The following TENT4A variants were observed in gnomAD, a reference collection of about 807,000 sequenced individuals.
The protein encoded by TENT4A is DNA polymerase kappa.
TENT4A carries 7 observed loss-of-function variants against 72.8 expected under a neutral mutation model. The ratio of observed to expected loss-of-function variants is 0.10; its 90% CI spans 0.05 to 0.18. The LOEUF is 0.18. Among genes scored for constraint, TENT4A ranks in the 10% least tolerant of loss-of-function variants. The pLI is 1.00. For synonymous variants in TENT4A, 456 were observed against 434.3 expected, an observed-to-expected ratio of 1.05 and a Z score of -0.62; for missense variants, 831 against 1,017.7, an observed-to-expected ratio of 0.82 and a Z score of 2.50.
intron 1 of TENT4A, among the ~76,000 whole-genome samples, chr5:6,729,394 A>G (rs1328361671): frequency 6.6e-6 from 1 of 152,260 alleles, no homozygotes; most frequent in East Asian, 1.9e-4. Context: ...TGTTGCCCCA[A>G]AAGATGATGC....
Position 6,737,627 on chromosome 5 carries a change from G to T in TENT4A, c.834G>T (p.Thr278=), listed in dbSNP as rs145475863. The change falls in exon 2 of 13, where the codon ACG becomes ACT. Residue 278 remains threonine (T), a synonymous_variant. Transcript: ENST00000230859. ...IETVVKDLWP[T]ADVQIFGSFS... is the part of the protein sequence containing the mutation. ...CTGTGGTGAAAGACCTTTGGCCGAC[G>T]GCTGATGTGAGTATGTTCTTTGGAG... 46 of 1,613,822 alleles carry T rather than the reference G, an allele frequency of 2.9e-5. No homozygotes were observed. In the South Asian group the frequency reaches 4.4e-4, roughly 15 times the overall value.
chr5:6,750,682 C>T (rs556362983), intron 10 of TENT4A, 179 bp downstream of exon 10: 20 of 589,402 alleles, frequency 3.4e-5, no homozygotes, highest in African/African-American at 2.9e-4. Flanking sequence ...TTTCCCCTGC[C>T]GTGAACCTTC....
chr5:6,749,632 C>A lies in TENT4A; in HGVS notation c.1662C>A (p.Ser554Arg), dbSNP rs1371118359. 1.2e-6 allele frequency: 2 copies of A among 1,612,762 alleles called. No homozygotes were observed. Among genetic ancestry groups the A allele is most frequent in the South Asian group, 2.2e-5 (2 of 91,048 alleles). The stretch of plus-strand genomic sequence containing the variant: ...GGTGGATCAAAGAGAAGTGGGGCAG[C>A]AAAGCCCACCCGTCGCCAGGCATGG... The part of the protein sequence containing the change: ...YRRWIKEKWG[S>R]KAHPSPGMDS... Residue 554 changes from serine (S) to arginine (R), a missense_variant, in exon 9 of 13, where the codon AGC (serine) becomes AGA (arginine). Around this residue, in one of 3 missense-constraint regions of TENT4A, gnomAD observed 332 missense variants for 324.3 expected, o/e 1.02. Coordinates refer to ENST00000230859, the MANE Select transcript of TENT4A (RefSeq NM_006999.6).
At chr5:6,714,907 A>G (rs1740286722) in intron 1 of TENT4A, 2 of 273,050 alleles carry the variant, frequency 7.3e-6, no homozygotes, top group South Asian at 1.7e-4. Flanking sequence ...TACAAGTAAC[A>G]GTCCAAGAAA....
intron 4 of TENT4A, among the ~76,000 whole-genome samples, chr5:6,740,525 T>C (rs1741744308): frequency 6.6e-6 from 1 of 152,216 alleles, no homozygotes; most frequent in Non-Finnish European, 1.5e-5. Flanking sequence ...TTATAGTGTT[T>C]AGCAGAATGT....
At chr5:6,741,351 T>A (rs1256059108) in intron 4 of TENT4A, among the ~76,000 whole-genome samples, 1 of 152,170 alleles carries the variant, frequency 6.6e-6, no homozygotes, top group Non-Finnish European at 1.5e-5. Flanking sequence ...AACCCAAAAC[T>A]GTGTTACAGT....
rs551351165 is a variant in TENT4A at position 6,721,102 on chromosome 5, C to T, written c.716+6403C>T. On this transcript the variant is annotated intron_variant, in intron 1 of 12. Coordinates refer to ENST00000230859, the MANE Select transcript of TENT4A (RefSeq NM_006999.6). Reference sequence around the variant, plus strand: ...AGTTGCTGCTATTACTAAGTTGATCCCACTGCCCTCCTGAGTCTCCTCAGG... The same window carrying T: ...AGTTGCTGCTATTACTAAGTTGATCTCACTGCCCTCCTGAGTCTCCTCAGG... Among the ~76,000 whole-genome samples the T allele has an allele frequency of 5.9e-5, 9 of 152,228 alleles. No homozygotes were observed. The East Asian group carries it at 1.7e-3, about 29-fold the overall frequency.
At chr5:6,732,247 A>G (rs2126622178) in intron 1 of TENT4A, among the ~76,000 whole-genome samples, 1 of 152,362 alleles carries the variant, frequency 6.6e-6, no homozygotes, top group East Asian at 1.9e-4. Flanking sequence ...AAAACCAGCC[A>G]GTCCTCCCTG....
At chr5:6,714,967 A>T in intron 1 of TENT4A, 1 of 209,498 alleles carries the variant, frequency 4.8e-6, no homozygotes, top group Non-Finnish European at 9.4e-6. Flanking sequence ...TACTCTTGAG[A>T]TTGGAACGGG....
chr5:6,736,827 A>G (rs1741530380), intron 1 of TENT4A, among the ~76,000 whole-genome samples: 1 of 152,246 alleles, frequency 6.6e-6, no homozygotes, highest in African/African-American at 2.4e-5. Context: ...CCTGTCCCAC[A>G]GGCATTTGGG....
rs1438083666 is a variant in TENT4A at position 6,754,707 on chromosome 5, G to A, written c.2185-44G>A. 2.0e-6 allele frequency: 3 copies of A among 1,486,506 alleles called. No individual in the cohort carries two copies. In the Admixed American group the frequency reaches 5.8e-5, roughly 29 times the overall value. 92.1% of individuals were successfully genotyped at this position (1,486,506 alleles called of 1,614,324 possible). ...CACTGCCCGAGGACGTGGGCATTGT[G>A]CCTGCTGTCTGGCTCCAACACTGCT... is the stretch of plus-strand genomic sequence containing the variant. On this transcript the variant is annotated intron_variant, in intron 12 of 12. Transcript: ENST00000230859.
chr5:6,735,386 C>T (rs1741428269), intron 1 of TENT4A, among the ~76,000 whole-genome samples: 1 of 152,192 alleles, frequency 6.6e-6, no homozygotes, highest in African/African-American at 2.4e-5. Context: ...CTGTCCCTAG[C>T]TCTCTGCAGT....
In TENT4A at chr5:6,721,752, A is replaced by G. The variant is rs530323889; in HGVS notation, c.716+7053A>G. ...GCTCTGAGGGTCCCTGTTGGCAGAGAATGTCTTTGATTATCAACAACATGC... is the reference window on the plus strand; with the variant it reads ...GCTCTGAGGGTCCCTGTTGGCAGAGGATGTCTTTGATTATCAACAACATGC... On this transcript the variant is annotated intron_variant, in intron 1 of 12. Coordinates refer to ENST00000230859, the MANE Select transcript of TENT4A (RefSeq NM_006999.6). Among the ~76,000 whole-genome samples the G allele has an allele frequency of 1.3e-4, 20 of 152,260 alleles. No individual in the cohort carries two copies. The East Asian group carries it at 3.9e-3, about 29-fold the overall frequency.
intron 1 of TENT4A, among the ~76,000 whole-genome samples, chr5:6,725,219 G>T (rs952861660): frequency 6.6e-6 from 1 of 152,180 alleles, no homozygotes; most frequent in Non-Finnish European, 1.5e-5. Flanking sequence ...TACTTGGGAG[G>T]CTGAGGCAGG....
At chr5:6,722,552 T>TG (rs1440392611) in intron 1 of TENT4A, among the ~76,000 whole-genome samples, 10 of 150,030 alleles carry the variant, frequency 6.7e-5, no homozygotes, top group Admixed American at 2.6e-4. Flanking sequence ...TGTTAGTTTT[T>TG]TTTTTTTTTT....
chr5:6,754,901 C>G lies in TENT4A; in HGVS notation c.2335C>G (p.His779Asp). ...CCGCACCGGCTGGAGGAGGAAAAAA[C>G]ACACACACACACGGGACAGTCTGCC... Reference protein sequence around the residue: ...YNRTGWRRKKHTHTRDSLPVS... With the variant: ...YNRTGWRRKKDTHTRDSLPVS... Residue 779 changes from histidine to aspartate, a missense_variant, in exon 13 of 13, where the codon CAC becomes GAC. Transcript: ENST00000230859. The G allele has an allele frequency of 6.7e-7, 1 of 1,502,428 alleles. No individual in the cohort carries two copies. The highest frequency in any genetic ancestry group is 9.1e-7 in the Non-Finnish European group (1 of 1,104,642). 93.1% of individuals were successfully genotyped at this position (1,502,428 alleles called of 1,614,324 possible).
At chr5:6,734,994 T>C (rs1741403564) in intron 1 of TENT4A, among the ~76,000 whole-genome samples, 1 of 152,114 alleles carries the variant, frequency 6.6e-6, no homozygotes, top group African/African-American at 2.4e-5. Context: ...CCCCTGAGGG[T>C]GGTGAATGTG....
At position 6,713,938 on chromosome 5, in the gene TENT4A, G is replaced by T. The variant is rs1352040344; in HGVS notation, c.-46G>T. ...CTCGGGGCGCGGCGGGGGCGGGGCC[G>T]CGTCGGGGCGGGCGGGCGCGCGGGC... On this transcript the variant is annotated 5_prime_UTR_variant, in exon 1 of 13. Transcript: ENST00000230859. 1 of 824,532 alleles carries T rather than the reference G, an allele frequency of 1.2e-6. No individual in the cohort carries two copies. The highest frequency in any genetic ancestry group is 1.5e-6 in the Non-Finnish European group (1 of 686,448). 51.1% of individuals were successfully genotyped at this position (824,532 alleles called of 1,614,324 possible).
rs1279977657 is a variant in TENT4A, at chr5:6,713,580, T to A, written c.-404T>A. 6.9e-6 allele frequency: 1 copy of A among 145,624 alleles called. No individual in the cohort carries two copies. The highest frequency in any genetic ancestry group is 1.5e-5 in the Non-Finnish European group (1 of 65,528). The allele number at this position is 145,624 out of a possible 1,614,324, so 9.0% of individuals were successfully genotyped here. Reference sequence around the variant, plus strand: ...GCGGGTCCTTCAGCCGCTCGGCGCCTGGGCCCGCCCCCTCGGCCCCGCCGC... The same window carrying A: ...GCGGGTCCTTCAGCCGCTCGGCGCCAGGGCCCGCCCCCTCGGCCCCGCCGC... On this transcript the variant is annotated 5_prime_UTR_variant, in exon 1 of 13. Coordinates refer to ENST00000230859, the MANE Select transcript of TENT4A (RefSeq NM_006999.6).
Sources: gnomAD v4.1 joint callset for allele counts (sites outside exome capture counted in the v4.1 genomes callset) on GRCh38, gnomAD v4.1.1 for gene constraint, gnomAD v4.1.1 regional missense constraint, MANE v1.5 for transcripts, NCBI Gene and HGNC (gene_info 2026-07-23, HGNC 2026-07-21) for gene names.